Variants in RNF214 observed in about 807,000 individuals in gnomAD.
RNF214 encodes the protein ring finger protein 214.
RNF214 carries 25 observed loss-of-function variants against 75.9 expected under a neutral mutation model. The observed-to-expected ratio is 0.33, with a 90% CI of 0.24 to 0.46. The LOEUF is 0.46. RNF214 is among the 20% of genes least tolerant of loss of function. RNF214 has a pLI of 1.00. For missense variants in RNF214, 725 were observed against 857.5 expected (o/e 0.85, Z 1.93); for synonymous variants, 314 against 308.8 (o/e 1.02, Z -0.18).
rs113590081 is a variant in RNF214 at position 117,240,205 on chromosome 11, T to G, written c.678+345T>G. Among the ~76,000 whole-genome samples, 1,007 of 151,166 alleles carry G rather than the reference T, an allele frequency of 6.7e-3. 17 individuals carry two copies. The highest frequency in any genetic ancestry group is 0.024 in the African/African-American group (971 of 41,128). Reference sequence around the variant, plus strand: ...CCATGTCTACAAAAAATACAAAAATTAGCCAGGTGTGGTGGTGCATGCCTA... The same window carrying G: ...CCATGTCTACAAAAAATACAAAAATGAGCCAGGTGTGGTGGTGCATGCCTA... On this transcript the variant is annotated intron_variant, in intron 4 of 14. Transcript: ENST00000300650.
At chr11:117,247,618 C>T (rs924655534) in intron 6 of RNF214, among the ~76,000 whole-genome samples, 15 of 151,968 alleles carry the variant, frequency 9.9e-5, no homozygotes, top group African/African-American at 3.4e-4. Flanking sequence ...CTTGGGAGGC[C>T]GAGGCAGGTG....
At chr11:117,281,519 GT>G in intron 9 of RNF214, 80 bp from the exon 10 acceptor site, 3 of 1,411,766 alleles carry the variant, frequency 2.1e-6, no homozygotes. Context: ...TATTCCTTTT[GT>G]TTTCCTGATA....
chr11:117,239,171 G>A (rs892337150), intron 3 of RNF214, 60 bp downstream of exon 3: 12 of 1,479,178 alleles, frequency 8.1e-6, no homozygotes, highest in East Asian at 2.3e-5. Context: ...TTCAGGGTGG[G>A]AGATATTTCT....
intron 6 of RNF214, among the ~76,000 whole-genome samples, chr11:117,275,655 C>T (rs1319757304): frequency 1.3e-5 from 2 of 152,056 alleles, no homozygotes; most frequent in African/African-American, 2.4e-5. Flanking sequence ...TGGATAAATT[C>T]CTGGAAACAC....
intron 5 of RNF214, among the ~76,000 whole-genome samples, 159 bp downstream of exon 5, chr11:117,244,744 C>A (rs1340631358): frequency 6.6e-6 from 1 of 151,840 alleles, no homozygotes; most frequent in Non-Finnish European, 1.5e-5. Flanking sequence ...TGGCTCACTG[C>A]AGCCTCTGTC....
Position 117,234,373 on chromosome 11 carries a change from G to C in RNF214, c.101G>C (p.Gly34Ala). ...ASKSDEGLPD[G>A]LSTKDSAQKQ... ...AAATCAGACGAAGGTCTCCCAGATG[G>C]TCTAAGGTAATGTGTGGACTCCTGA... Residue 34 changes from glycine (G) to alanine (A), a missense_variant, in exon 2 of 15, where the codon GGT (glycine) becomes GCT (alanine). Transcript: ENST00000300650. The C allele has an allele frequency of 6.2e-7, 1 of 1,610,348 alleles. No individual in the cohort carries two copies. Among genetic ancestry groups the C allele is most frequent in the Non-Finnish European group, 8.5e-7 (1 of 1,176,462 alleles).
At chr11:117,246,764 A>AT (rs747582793) in intron 5 of RNF214, 45 bp from the exon 6 acceptor site, 1 of 1,472,764 alleles carries the variant, frequency 6.8e-7, no homozygotes, top group South Asian at 1.5e-5. Context: ...GAACTAACTT[A>AT]TTTTCTTTTT....
At position 117,238,968 on chromosome 11, in the gene RNF214, A is replaced by C; in HGVS notation, c.475A>C (p.Ile159Leu). 1 of 1,614,188 alleles carries C rather than the reference A, an allele frequency of 6.2e-7. No homozygotes were observed. Among genetic ancestry groups the C allele is most frequent in the Non-Finnish European group, 8.5e-7 (1 of 1,180,034 alleles). The change falls in exon 3 of 15, where the codon ATC becomes CTC. Residue 159 changes from isoleucine to leucine, a missense_variant. Ile to Leu is a conservative substitution (Grantham distance 5). This residue lies in a region of RNF214 where 362 missense variants were observed against 344.5 expected (regional missense o/e 1.05). Coordinates refer to ENST00000300650, the MANE Select transcript of RNF214 (RefSeq NM_207343.4). ...TGAAGAGAAATCCCCACAAACCTCC[A>C]TCCTAAAGGAAGGTAACAGGGACAC... is the stretch of plus-strand genomic sequence containing the variant. Reference protein sequence around the residue: ...CSEEKSPQTSILKEGNRDTSL... With the variant: ...CSEEKSPQTSLLKEGNRDTSL...
chr11:117,234,117 T>C, intron 1 of RNF214, 150 bp from the exon 2 acceptor site: 1 of 623,318 alleles, frequency 1.6e-6, no homozygotes, highest in East Asian at 2.7e-5. Flanking sequence ...AATGTCTCTT[T>C]TAGTACTCTT....
intron 1 of RNF214, among the ~76,000 whole-genome samples, chr11:117,233,477 C>T (rs923798328): frequency 1.3e-5 from 2 of 152,206 alleles, no homozygotes; most frequent in African/African-American, 4.8e-5. Context: ...CAAACTAACC[C>T]GATGTTCATC....
rs188712563 is a variant in RNF214, at chr11:117,270,492, C to A, written c.960-9416C>A. ...TGTCACCCAGGCTGGAGTGCAGTGG[C>A]ACGATGTGGGCTCACTGCAACCTCC... On this transcript the variant is annotated intron_variant, in intron 6 of 14. Coordinates refer to ENST00000300650, the MANE Select transcript of RNF214 (RefSeq NM_207343.4). Among the ~76,000 whole-genome samples the A allele has an allele frequency of 5.4e-3, 819 of 152,046 alleles. 8 individuals are homozygous for A. Among genetic ancestry groups the A allele is most frequent in the African/African-American group, 0.018 (745 of 41,466 alleles).
Position 117,283,130 on chromosome 11 carries a change from A to C in RNF214, c.1966A>C (p.Lys656Gln). ...TGTTCTACAGGCTCCAGCCACCTGT[A>C]AGCTATGTCTAATGTGCCAGAAACT... ...GRSSHAPATC[K>Q]LCLMCQKLVQ... is the part of the protein sequence containing the mutation. The change falls in exon 14 of 15, where the codon AAG becomes CAG. Residue 656 changes from lysine to glutamine, a missense_variant. Transcript: ENST00000300650. 6.2e-7 allele frequency: 1 copy of C among 1,613,890 alleles called. No individual in the cohort carries two copies. Among genetic ancestry groups the C allele is most frequent in the East Asian group, 2.2e-5 (1 of 44,886 alleles).
chr11:117,274,508 G>A (rs2033974410), intron 6 of RNF214, among the ~76,000 whole-genome samples: 1 of 150,448 alleles, frequency 6.6e-6, no homozygotes, highest in Admixed American at 6.7e-5. Context: ...GATTACAGGT[G>A]CCCACTACCA....
intron 6 of RNF214, among the ~76,000 whole-genome samples, chr11:117,253,557 T>C (rs1240352978): frequency 1.3e-5 from 2 of 152,204 alleles, no homozygotes; most frequent in Non-Finnish European, 2.9e-5. Context: ...AGTGACTTAT[T>C]GTGTGCAGGT....
At chr11:117,282,708 A>G in intron 12 of RNF214, 38 bp from the exon 13 acceptor site, 9 of 1,585,194 alleles carry the variant, frequency 5.7e-6, no homozygotes, top group Non-Finnish European at 7.8e-6. Context: ...TGTTACTCAG[A>G]CTCTCTTCCC....
Position 117,282,271 on chromosome 11 carries a change from G to T in RNF214, c.1712+1G>T. ...TGACCCGGTTCCCACAGTGCAATAAGTAAGTACCTTCAAGGACTGATTCAG... is the reference window on the plus strand; with the variant it reads ...TGACCCGGTTCCCACAGTGCAATAATTAAGTACCTTCAAGGACTGATTCAG... On this transcript the variant is annotated splice_donor_variant, in intron 11 of 14. Transcript: ENST00000300650. LOFTEE classifies it high-confidence loss of function. 6.3e-7 allele frequency: 1 copy of T among 1,587,596 alleles called. No individual in the cohort carries two copies. Among genetic ancestry groups the T allele is most frequent in the East Asian group, 2.2e-5 (1 of 44,588 alleles).
At chr11:117,233,454 A>T (rs2032792919) in intron 1 of RNF214, among the ~76,000 whole-genome samples, 1 of 152,228 alleles carries the variant, frequency 6.6e-6, no homozygotes, top group Non-Finnish European at 1.5e-5. Context: ...CTGTTAAAAT[A>T]AAAGCAAGAA....
At chr11:117,267,918 C>G (rs546484662) in intron 6 of RNF214, among the ~76,000 whole-genome samples, 1 of 152,162 alleles carries the variant, frequency 6.6e-6, no homozygotes, top group South Asian at 2.1e-4. Context: ...CTCACTAAGG[C>G]GGTAGAGAAA....
intron 6 of RNF214, among the ~76,000 whole-genome samples, chr11:117,265,990 C>A (rs1298117769): frequency 6.6e-6 from 1 of 152,140 alleles, no homozygotes; most frequent in Non-Finnish European, 1.5e-5. Context: ...TATCTGGCTT[C>A]TTTTACTCAG....
Sources: allele counts gnomAD v4.1 joint callset (sites outside exome capture counted in the v4.1 genomes callset), GRCh38; gene constraint gnomAD v4.1.1; regional missense constraint gnomAD v4.1.1; transcripts MANE v1.5; gene names NCBI Gene and HGNC (gene_info 2026-07-23, HGNC 2026-07-21).